The following DOCK2 variants were observed in gnomAD, a reference collection of about 807,000 sequenced individuals.
The protein encoded by DOCK2 is dedicator of cytokinesis protein 2.
A neutral mutation model predicts 248.9 loss-of-function variants in DOCK2; 87 were observed. The observed-to-expected ratio is 0.35, with a 90% CI of 0.29 to 0.42. DOCK2 has a LOEUF of 0.42. DOCK2 is among the 10% of genes least tolerant of loss of function. DOCK2 has a pLI of 1.00. For synonymous variants in DOCK2, 805 were observed against 821.6 expected, an observed-to-expected ratio of 0.98 and a Z score of 0.35; for missense variants, 1,747 against 2,300.2, an observed-to-expected ratio of 0.76 and a Z score of 4.92.
chr5:170,015,415 G>T (rs1415684692), intron 32 of DOCK2, among the ~76,000 whole-genome samples: 1 of 152,172 alleles, frequency 6.6e-6, no homozygotes, highest in Non-Finnish European at 1.5e-5. Context: ...CTGGAAGGAA[G>T]CTGAGGCTGG....
At chr5:169,847,275 T>C (rs1426204442) in intron 27 of DOCK2, among the ~76,000 whole-genome samples, 1 of 152,246 alleles carries the variant, frequency 6.6e-6, no homozygotes, top group Non-Finnish European at 1.5e-5. Context: ...TCCTATACTG[T>C]TTGCCACAGA....
chr5:169,763,375 C>A lies in DOCK2; in HGVS notation c.2554+1750C>A, dbSNP rs115675967. ...TCCCATCCTAGAGACATGACAAGGACGACTCTAGCTACGCATATGGTGTGG... is the reference window on the plus strand; with the variant it reads ...TCCCATCCTAGAGACATGACAAGGAAGACTCTAGCTACGCATATGGTGTGG... On this transcript the variant is annotated intron_variant, in intron 25 of 51. Coordinates refer to ENST00000520908, the MANE Select transcript of DOCK2 (RefSeq NM_004946.3). This position sits in a 1 kb window ranked among gnomAD's most constrained non-coding sequence, Gnocchi z 4.1. 5.9e-3 allele frequency among the ~76,000 whole-genome samples: 893 copies of A among 152,304 alleles called. 4 individuals are homozygous for A. Among genetic ancestry groups the A allele is most frequent in the Non-Finnish European group, 9.0e-3 (609 of 68,022 alleles).
chr5:169,816,735 G>C (rs1768089742), intron 26 of DOCK2, among the ~76,000 whole-genome samples: 1 of 151,720 alleles, frequency 6.6e-6, no homozygotes, highest in Non-Finnish European at 1.5e-5. Context: ...GTATTTATGG[G>C]GTACGTGAGA....
intron 17 of DOCK2, among the ~76,000 whole-genome samples, chr5:169,713,822 C>T (rs1343432209): frequency 6.6e-6 from 1 of 152,190 alleles, no homozygotes; most frequent in African/African-American, 2.4e-5. Flanking sequence ...GATCAACCCC[C>T]TTTCTATTAA....
At chr5:169,644,330 C>T (rs1269287142) in intron 1 of DOCK2, among the ~76,000 whole-genome samples, 1 of 152,084 alleles carries the variant, frequency 6.6e-6, no homozygotes, top group Non-Finnish European at 1.5e-5. Flanking sequence ...ACAGTGATAA[C>T]TCAGGCCAAG....
intron 1 of DOCK2, among the ~76,000 whole-genome samples, chr5:169,649,719 T>C (rs1275196367): frequency 6.6e-6 from 1 of 152,264 alleles, no homozygotes; most frequent in Non-Finnish European, 1.5e-5. Flanking sequence ...CTCTTTGAGT[T>C]TCTTGTATGT....
At chr5:169,863,824 T>C (rs1771359689) in intron 27 of DOCK2, among the ~76,000 whole-genome samples, 1 of 152,258 alleles carries the variant, frequency 6.6e-6, no homozygotes, top group Non-Finnish European at 1.5e-5. Context: ...CTCATTTTTT[T>C]CTATGGTACC....
chr5:169,728,783 C>T (rs1183076424), intron 22 of DOCK2, among the ~76,000 whole-genome samples: 3 of 151,538 alleles, frequency 2.0e-5, no homozygotes, highest in African/African-American at 4.9e-5. Context: ...GACTGACTTC[C>T]CCCATCCATC....
intron 44 of DOCK2, among the ~76,000 whole-genome samples, chr5:170,066,554 G>T (rs564128107): frequency 6.6e-6 from 1 of 152,280 alleles, no homozygotes; most frequent in Admixed American, 6.5e-5. Flanking sequence ...GGACCTAACA[G>T]ACATATACAG....
chr5:170,072,687 G>A (rs1339405742), intron 46 of DOCK2, among the ~76,000 whole-genome samples: 8 of 152,082 alleles, frequency 5.3e-5, no homozygotes, highest in Non-Finnish European at 1.2e-4. Context: ...CTTGATACTG[G>A]GAGTCTTTTT....
chr5:169,801,810 TG>T (rs1257300961), intron 25 of DOCK2, among the ~76,000 whole-genome samples: 22 of 102,168 alleles, frequency 2.2e-4, no homozygotes, highest in African/African-American at 5.7e-4. Context: ...TCATTGGTTT[TG>T]CTTTTTTTTT....
At chr5:169,910,867 G>A (rs540992255) in intron 27 of DOCK2, among the ~76,000 whole-genome samples, 12 of 152,128 alleles carry the variant, frequency 7.9e-5, no homozygotes, top group Non-Finnish European at 1.2e-4. Context: ...CCACCTAGTC[G>A]GTTTCTCCTG....
At chr5:170,009,784 G>A (rs558036182) in intron 32 of DOCK2, among the ~76,000 whole-genome samples, 78 of 152,304 alleles carry the variant, frequency 5.1e-4, no homozygotes, top group African/African-American at 1.8e-3. Context: ...TATCCACTGT[G>A]GGGGAAGCAT....
rs1368528352 is a variant in DOCK2, at chr5:169,763,460, G to C, written c.2554+1835G>C. Among the ~76,000 whole-genome samples the C allele has an allele frequency of 1.3e-5, 2 of 152,242 alleles. No individual in the cohort carries two copies. Among genetic ancestry groups the C allele is most frequent in the African/African-American group, 4.8e-5 (2 of 41,464 alleles). On this transcript the variant is annotated intron_variant, in intron 25 of 51. Transcript: ENST00000520908. This position sits in a 1 kb window ranked among gnomAD's most constrained non-coding sequence, Gnocchi z 4.1. The stretch of plus-strand genomic sequence containing the variant: ...TTCATTGTTCAGAGCTGCTGTCATT[G>C]TCAGGGGCCCGGCTTGGCATCAAGG...
chr5:169,978,560 T>C (rs1777822109), intron 27 of DOCK2, among the ~76,000 whole-genome samples: 1 of 152,160 alleles, frequency 6.6e-6, no homozygotes, highest in Non-Finnish European at 1.5e-5. Flanking sequence ...AATCTCCTGA[T>C]CACAATCACC....
At chr5:170,012,103 G>C (rs1424578938) in intron 32 of DOCK2, among the ~76,000 whole-genome samples, 1 of 152,232 alleles carries the variant, frequency 6.6e-6, no homozygotes, top group Non-Finnish European at 1.5e-5. Flanking sequence ...AAACAAGCCA[G>C]TGACTGAATT....
At chr5:169,779,567 A>G (rs1317043800) in intron 25 of DOCK2, among the ~76,000 whole-genome samples, 1 of 151,880 alleles carries the variant, frequency 6.6e-6, no homozygotes, top group Non-Finnish European at 1.5e-5. Flanking sequence ...CTCTAGAGGA[A>G]CTCACAAGAT....
At chr5:169,642,035 A>C (rs1181077172) in intron 1 of DOCK2, among the ~76,000 whole-genome samples, 1 of 152,008 alleles carries the variant, frequency 6.6e-6, no homozygotes, top group Non-Finnish European at 1.5e-5. Context: ...ATGGCTTGCT[A>C]CTCCTCTAGC....
chr5:169,718,094 G>C (rs942122548), intron 21 of DOCK2, among the ~76,000 whole-genome samples: 35 of 151,938 alleles, frequency 2.3e-4, no homozygotes, highest in African/African-American at 8.2e-4. Context: ...CAAAAACAGC[G>C]GGGGAGCTAC....
Sources: gnomAD v4.1 joint callset for allele counts (sites outside exome capture counted in the v4.1 genomes callset) on GRCh38, gnomAD v4.1.1 for gene constraint, Gnocchi (gnomAD v3.1) non-coding constraint, MANE v1.5 for transcripts, NCBI Gene and HGNC (gene_info 2026-07-23, HGNC 2026-07-21) for gene names.